The following DNAJB6 variants were observed in gnomAD, a reference collection of about 807,000 sequenced individuals.
DNAJB6 encodes the protein dnaJ homolog subfamily B member 6.
DNAJB6 carries 16 observed loss-of-function variants against 42.7 expected under a neutral mutation model. The observed-to-expected ratio is 0.37, with a 90% confidence interval of 0.25 to 0.57. DNAJB6 has a LOEUF of 0.57. Among genes scored for constraint, DNAJB6 ranks in the 20% least tolerant of loss-of-function variants. The pLI is 0.74. For missense variants in DNAJB6, 347 were observed against 416.8 expected (o/e 0.83, Z 1.46); for synonymous variants, 170 against 163.5 (o/e 1.04, Z -0.30).
At position 157,339,642 on chromosome 7, in the gene DNAJB6, T is replaced by A. The variant is rs1179759701; in HGVS notation, c.-27+2498T>A. 9.4e-5 allele frequency among the ~76,000 whole-genome samples: 4 copies of A among 42,610 alleles called. No homozygotes were observed. The East Asian group carries it at 2.3e-3, about 24-fold the overall frequency. 28.0% of individuals were successfully genotyped at this position (42,610 alleles called of 152,430 possible). The stretch of plus-strand genomic sequence containing the variant: ...GTGTGTGTGTGTGTGTGTGTGTGTG[T>A]GTGTGAGATGGAGTTTAGCTCTTGC... On this transcript the variant is annotated intron_variant, in intron 1 of 9. Transcript: ENST00000262177.
intron 3 of DNAJB6, among the ~76,000 whole-genome samples, chr7:157,365,068 C>T (rs186954503): frequency 2.9e-4 from 44 of 152,340 alleles, no homozygotes; most frequent in African/African-American, 9.1e-4. Flanking sequence ...TCTCCCATCT[C>T]GGCTTCCTGA....
At chr7:157,346,984 T>C (rs1798722889) in intron 1 of DNAJB6, among the ~76,000 whole-genome samples, 1 of 152,212 alleles carries the variant, frequency 6.6e-6, no homozygotes, top group Admixed American at 6.5e-5. Context: ...GCCTGCCAAG[T>C]AGCTGAGACT....
At chr7:157,363,326 G>A (rs1276186555) in intron 3 of DNAJB6, 56 bp downstream of exon 3, 2 of 1,222,048 alleles carry the variant, frequency 1.6e-6, no homozygotes, top group Admixed American at 3.8e-5. Flanking sequence ...AATGCGGAGT[G>A]GGTGTTGGGA....
rs928346953 is a variant in DNAJB6 at position 157,340,505 on chromosome 7, C to T, written c.-27+3361C>T. ...GGAATGGAAAAACGACAACGCCTAC[C>T]TGCAGAAAAGTCAACTAGTAAAAAT... On this transcript the variant is annotated intron_variant, in intron 1 of 9. Transcript: ENST00000262177. 5.3e-5 allele frequency among the ~76,000 whole-genome samples: 8 copies of T among 151,700 alleles called. No individual in the cohort carries two copies. In the East Asian group the frequency reaches 1.4e-3, roughly 26 times the overall value.
At chr7:157,410,122 GT>G in intron 9 of DNAJB6, 121 bp downstream of exon 9, 1 of 1,413,964 alleles carries the variant, frequency 7.1e-7, no homozygotes, top group South Asian at 1.5e-5. Context: ...GGCGTGGGCG[GT>G]CGGGCGGGGC....
chr7:157,348,822 C>A (rs1383831868), intron 1 of DNAJB6, among the ~76,000 whole-genome samples: 1 of 152,156 alleles, frequency 6.6e-6, no homozygotes, highest in Non-Finnish European at 1.5e-5. Flanking sequence ...CACTGACGTT[C>A]CACCCTACTA....
intron 5 of DNAJB6, chr7:157,382,015 G>A: frequency 2.8e-6 from 1 of 358,912 alleles, no homozygotes; most frequent in South Asian, 4.8e-5. Flanking sequence ...ATTAAGTCTG[G>A]TAATTTATTT....
chr7:157,363,829 TG>T (rs1799723083), intron 3 of DNAJB6, among the ~76,000 whole-genome samples: 1 of 152,014 alleles, frequency 6.6e-6, no homozygotes, highest in African/African-American at 2.4e-5. Context: ...AGTTCACAAA[TG>T]GGTGAGGGGT....
At chr7:157,394,905 C>T (rs572478368) in intron 8 of DNAJB6, among the ~76,000 whole-genome samples, 167 of 152,244 alleles carry the variant, frequency 1.1e-3, no homozygotes, top group African/African-American at 3.7e-3. Flanking sequence ...GCCTGGGCAA[C>T]GTGGTGAGAC....
intron 1 of DNAJB6, among the ~76,000 whole-genome samples, chr7:157,343,041 G>C (rs1478777866): frequency 6.6e-6 from 1 of 151,674 alleles, no homozygotes; most frequent in Admixed American, 6.6e-5. Context: ...ACTTAGGCTG[G>C]AGTGCAGCGG....
chr7:157,383,559 T>C (rs1800894088), intron 6 of DNAJB6, among the ~76,000 whole-genome samples: 1 of 152,114 alleles, frequency 6.6e-6, no homozygotes, highest in African/African-American at 2.4e-5. Flanking sequence ...TAGTTAAAAA[T>C]ACCACGTAAA....
chr7:157,344,962 C>T (rs1279318355), intron 1 of DNAJB6, among the ~76,000 whole-genome samples: 1 of 151,984 alleles, frequency 6.6e-6, no homozygotes, highest in Non-Finnish European at 1.5e-5. Flanking sequence ...TTTATTTTAT[C>T]ATTTTTAACT....
chr7:157,358,212 G>A (rs1206966837), intron 1 of DNAJB6, among the ~76,000 whole-genome samples: 2 of 152,212 alleles, frequency 1.3e-5, no homozygotes, highest in East Asian at 1.9e-4. Flanking sequence ...AGCACAGACC[G>A]TGTCTAGGAA....
chr7:157,367,824 ATTG>A (rs1472364073), intron 5 of DNAJB6, among the ~76,000 whole-genome samples: 1 of 152,050 alleles, frequency 6.6e-6, no homozygotes, highest in Non-Finnish European at 1.5e-5. Context: ...ATGCCATTGC[ATTG>A]TTGTCTGGGC....
chr7:157,370,952 G>A (rs775536291), intron 5 of DNAJB6: 8 of 152,664 alleles, frequency 5.2e-5, no homozygotes, highest in Non-Finnish European at 1.0e-4. Flanking sequence ...CAACACCCTG[G>A]TCTGTGGCCT....
intron 9 of DNAJB6, chr7:157,411,977 GC>G: frequency 6.6e-6 from 1 of 152,356 alleles, no homozygotes; most frequent in Non-Finnish European, 1.5e-5. Context: ...TTTTGTTTCT[GC>G]CCGGATCCTC....
At chr7:157,392,056 C>G (rs1374865859) in intron 8 of DNAJB6, among the ~76,000 whole-genome samples, 1 of 143,772 alleles carries the variant, frequency 7.0e-6, no homozygotes, top group Admixed American at 7.3e-5. Context: ...GAGCCGTGAT[C>G]GAGCCACTGC....
At position 157,340,898 on chromosome 7, in the gene DNAJB6, C is replaced by T. The variant is rs138906104; in HGVS notation, c.-27+3754C>T. Among the ~76,000 whole-genome samples, 426 of 152,246 alleles carry T rather than the reference C, an allele frequency of 2.8e-3. 2 individuals carry two copies. Among genetic ancestry groups the T allele is most frequent in the African/African-American group, 9.7e-3 (403 of 41,548 alleles). On this transcript the variant is annotated intron_variant, in intron 1 of 9. Transcript: ENST00000262177. ...GTCAGGCTGGTCTCGAACACCTGAC[C>T]TCAGGTGATCCCCTGCCTCCGCCTC... is the stretch of plus-strand genomic sequence containing the variant.
At position 157,359,844 on chromosome 7, in the gene DNAJB6, A is replaced by AC. The variant is rs1584897308; in HGVS notation, c.65+1208dup. Among the ~76,000 whole-genome samples, 14 of 152,314 alleles carry AC rather than the reference A, an allele frequency of 9.2e-5. No individual in the cohort carries two copies. The East Asian group carries it at 2.7e-3, about 29-fold the overall frequency. Reference sequence around the variant, plus strand: ...CAAAAAAGCCAAGTCAGGATGGCTGACGTTGCCTGAAGGTTATTTGAAACC... The same window carrying AC: ...CAAAAAAGCCAAGTCAGGATGGCTGACCGTTGCCTGAAGGTTATTTGAAACC... On this transcript the variant is annotated intron_variant, in intron 2 of 9. Coordinates refer to ENST00000262177, the MANE Select transcript of DNAJB6 (RefSeq NM_058246.4).
Sources: allele counts gnomAD v4.1 joint callset (sites outside exome capture counted in the v4.1 genomes callset), GRCh38; gene constraint gnomAD v4.1.1; transcripts MANE v1.5; gene names NCBI Gene and HGNC (gene_info 2026-07-23, HGNC 2026-07-21).